The following SGPL1 variants were observed in gnomAD, a reference collection of about 807,000 sequenced individuals.
SGPL1 encodes the protein sphingosine-1-phosphate lyase 1, also known as SP-lyase 1.
Under a neutral mutation model 68.9 loss-of-function variants are expected in SGPL1, and 37 were observed. The observed-to-expected ratio is 0.54, with a 90% CI of 0.41 to 0.71. SGPL1 has a LOEUF of 0.71. Among genes scored for constraint, SGPL1 ranks in the 30% least tolerant of loss-of-function variants. The pLI is 0.00. For synonymous variants in SGPL1, 236 were observed against 248.5 expected, an observed-to-expected ratio of 0.95 and a Z score of 0.47; for missense variants, 551 against 704.6, an observed-to-expected ratio of 0.78 and a Z score of 2.47.
At position 70,875,492 on chromosome 10, in the gene SGPL1, A is replaced by G. The variant is rs1013525015; in HGVS notation, c.1389A>G (p.Leu463=). ...LGSRDFDIYR[L]SNLMTAKGWN... ...CCCGTGATTTTGACATCTACCGACT[A>G]TCAAACCTGATGACTGCTAAGGGGT... is the stretch of plus-strand genomic sequence containing the variant. The change falls in exon 13 of 15, where the codon CTA becomes CTG. Residue 463 remains leucine (L), a synonymous_variant. Coordinates refer to ENST00000373202, the MANE Select transcript of SGPL1 (RefSeq NM_003901.4). 7 of 1,613,434 alleles carry G rather than the reference A, an allele frequency of 4.3e-6. No homozygotes were observed. Among genetic ancestry groups the G allele is most frequent in the Admixed American group, 1.7e-5 (1 of 60,000 alleles).
intron 2 of SGPL1, among the ~76,000 whole-genome samples, chr10:70,817,097 G>T (rs1397272540): frequency 6.6e-6 from 1 of 152,102 alleles, no homozygotes; most frequent in Admixed American, 6.5e-5. Context: ...TCGGCTCACC[G>T]CCACCTCTGC....
At position 70,816,748 on chromosome 10, in the gene SGPL1, C is replaced by T. The variant is rs980448635; in HGVS notation, c.-43-63C>T. ...CCATAACTTGGCTGCTCTGGCGAATCTAGGCGGGCTGGCGAGACAGTTTAA... is the reference window on the plus strand; with the variant it reads ...CCATAACTTGGCTGCTCTGGCGAATTTAGGCGGGCTGGCGAGACAGTTTAA... On this transcript the variant is annotated intron_variant, in intron 1 of 14. Coordinates refer to ENST00000373202, the MANE Select transcript of SGPL1 (RefSeq NM_003901.4). The T allele has an allele frequency of 6.0e-6, 7 of 1,162,870 alleles. No homozygotes were observed. In the African/African-American group the frequency reaches 1.1e-4, roughly 18 times the overall value. 72.0% of individuals were successfully genotyped at this position (1,162,870 alleles called of 1,614,324 possible).
intron 8 of SGPL1, 74 bp downstream of exon 8, chr10:70,868,507 A>G: frequency 1.6e-6 from 2 of 1,213,576 alleles, no homozygotes; most frequent in Non-Finnish European, 2.4e-6. Flanking sequence ...ACTAAAGCAG[A>G]TAATCCATTT....
At chr10:70,855,891 G>A (rs1156750998) in intron 5 of SGPL1, among the ~76,000 whole-genome samples, 1 of 152,012 alleles carries the variant, frequency 6.6e-6, no homozygotes, top group Non-Finnish European at 1.5e-5. Flanking sequence ...TCTATTTCTA[G>A]TTCATCAGGG....
intron 2 of SGPL1, among the ~76,000 whole-genome samples, chr10:70,834,014 T>C (rs1374925653): frequency 6.6e-6 from 1 of 152,214 alleles, no homozygotes; most frequent in Non-Finnish European, 1.5e-5. Flanking sequence ...CCCTGACTTT[T>C]AACACTTCCC....
At chr10:70,869,576 G>A (rs1450424175) in intron 8 of SGPL1, among the ~76,000 whole-genome samples, 1 of 152,184 alleles carries the variant, frequency 6.6e-6, no homozygotes, top group Non-Finnish European at 1.5e-5. Context: ...CCTATTGCCA[G>A]AATGATTTCC....
intron 2 of SGPL1, 89 bp from the exon 3 acceptor site, chr10:70,844,384 T>C: frequency 8.1e-7 from 1 of 1,232,400 alleles, no homozygotes; most frequent in Non-Finnish European, 1.1e-6. Context: ...GACCTTGCCC[T>C]TGAAAAATGA....
intron 7 of SGPL1, among the ~76,000 whole-genome samples, chr10:70,860,164 C>T (rs561476351): frequency 5.3e-5 from 8 of 152,186 alleles, no homozygotes; most frequent in Non-Finnish European, 1.0e-4. Context: ...TGTTAGTTTT[C>T]GTAAACTATG....
chr10:70,873,381 G>C lies in SGPL1; in HGVS notation c.1090G>C (p.Val364Leu). 1 of 1,614,198 alleles carries C rather than the reference G, an allele frequency of 6.2e-7. No individual in the cohort carries two copies. Among genetic ancestry groups the C allele is most frequent in the Middle Eastern group, 1.7e-4 (1 of 6,060 alleles). ...YGYAPKGSSL[V>L]LYSDKKYRNY... ...CTATGCCCCAAAAGGCTCATCATTGGTGTTGTATAGTGACAAGAAGTACAG... is the reference window on the plus strand; with the variant it reads ...CTATGCCCCAAAAGGCTCATCATTGCTGTTGTATAGTGACAAGAAGTACAG... The change falls in exon 12 of 15, where the codon GTG (valine) becomes CTG (leucine). Residue 364 changes from valine to leucine, a missense_variant. Transcript: ENST00000373202.
At chr10:70,866,415 A>G (rs1186891921) in intron 7 of SGPL1, 1 of 152,140 alleles carries the variant, frequency 6.6e-6, no homozygotes, top group African/African-American at 2.4e-5. Context: ...AAAAAGTAGA[A>G]TTTAGGTATT....
At chr10:70,871,275 C>T in intron 10 of SGPL1, 129 bp downstream of exon 10, 1 of 601,098 alleles carries the variant, frequency 1.7e-6, no homozygotes, top group Non-Finnish European at 2.9e-6. Context: ...AAGTAGCTCT[C>T]ATCAGCCCTA....
At chr10:70,836,746 T>C (rs1845633263) in intron 2 of SGPL1, among the ~76,000 whole-genome samples, 1 of 150,336 alleles carries the variant, frequency 6.7e-6, no homozygotes, top group South Asian at 2.1e-4. Flanking sequence ...TACTGCTTTT[T>C]TGTTTGTTTG....
chr10:70,832,454 A>G (rs2131863833), intron 2 of SGPL1, among the ~76,000 whole-genome samples: 2 of 152,326 alleles, frequency 1.3e-5, no homozygotes, highest in East Asian at 3.9e-4. Flanking sequence ...CTTAACTCCC[A>G]GACAAAGATA....
At chr10:70,858,969 C>A (rs191346608) in intron 6 of SGPL1, among the ~76,000 whole-genome samples, 6 of 152,328 alleles carry the variant, frequency 3.9e-5, no homozygotes. Context: ...GCCAGACACT[C>A]TACTAAGTGC....
In SGPL1 at chr10:70,848,454, C is replaced by CTTTT. The variant is rs55860254; in HGVS notation, c.194-2664_194-2661dup. Among the ~76,000 whole-genome samples, 26 of 70,682 alleles carry CTTTT rather than the reference C, an allele frequency of 3.7e-4. 6 individuals carry two copies. The highest frequency in any genetic ancestry group is 6.2e-4 in the South Asian group (1 of 1,614). The allele number at this position is 70,682 out of a possible 152,430, so 46.4% of individuals were successfully genotyped here. A position where few individuals can be genotyped will look rare whatever the true frequency, so the allele number is the denominator to read the frequency against. On this transcript the variant is annotated intron_variant, in intron 3 of 14. Transcript: ENST00000373202. The stretch of plus-strand genomic sequence containing the variant: ...CAAACTAACGTGATTACCTCACGTA[C>CTTTT]TTTTTTTTTTTTTTTTTTTTTTTTT...
At chr10:70,860,426 T>G (rs1407723107) in intron 7 of SGPL1, 1 of 469,662 alleles carries the variant, frequency 2.1e-6, no homozygotes, top group Admixed American at 2.4e-5. Flanking sequence ...TTCTAATATG[T>G]TGGCGCCATG....
intron 3 of SGPL1, among the ~76,000 whole-genome samples, chr10:70,850,191 T>C (rs1184166599): frequency 6.6e-6 from 1 of 152,178 alleles, no homozygotes; most frequent in Non-Finnish European, 1.5e-5. Flanking sequence ...CTTTTTTTTC[T>C]TTTTGTTGAG....
At chr10:70,857,572 A>C in intron 5 of SGPL1, 42 bp from the exon 6 acceptor site, 3 of 1,500,954 alleles carry the variant, frequency 2.0e-6, no homozygotes, top group Non-Finnish European at 2.8e-6. Context: ...GTCTTCCCAG[A>C]GATTCTTGCT....
intron 6 of SGPL1, 65 bp downstream of exon 6, chr10:70,857,755 T>G: frequency 9.5e-7 from 1 of 1,048,578 alleles, no homozygotes; most frequent in Non-Finnish European, 1.4e-6. Context: ...CTCCTTTTTT[T>G]CCCTTACTTT....
Sources: gnomAD v4.1 joint callset for allele counts (sites outside exome capture counted in the v4.1 genomes callset) on GRCh38, gnomAD v4.1.1 for gene constraint, MANE v1.5 for transcripts, NCBI Gene and HGNC (gene_info 2026-07-23, HGNC 2026-07-21) for gene names.